ELP4: variants seen among roughly 807,000 people sequenced by gnomAD.
The protein encoded by ELP4 is elongator acetyltransferase complex subunit 4, also known as elongator complex protein 4.
ELP4 carries 51 observed loss-of-function variants against 48.9 expected under a neutral mutation model. The observed-to-expected ratio is 1.04, with a 90% confidence interval of 0.83 to 1.32. The LOEUF (loss-of-function observed/expected upper bound fraction) is 1.32. ELP4 is among the 40% of genes most tolerant of loss of function. The pLI, the probability that ELP4 is intolerant of heterozygous loss-of-function variation, is 0.00. For missense variants in ELP4, 519 were observed against 514.6 expected (o/e 1.01, Z -0.08); for synonymous variants, 210 against 189.2 (o/e 1.11, Z -0.90).
intron 9 of ELP4, among the ~76,000 whole-genome samples, chr11:31,659,161 T>C (rs1006731851): frequency 1.3e-5 from 2 of 152,128 alleles, no homozygotes; most frequent in Non-Finnish European, 2.9e-5. Flanking sequence ...TGGGAATGTC[T>C]TTAACCCAAA....
chr11:31,642,515 A>G (rs1190466128), intron 7 of ELP4, among the ~76,000 whole-genome samples: 2 of 151,810 alleles, frequency 1.3e-5, no homozygotes, highest in Non-Finnish European at 1.5e-5. Flanking sequence ...CCCTTTGTGG[A>G]TACGTTTTGA....
At chr11:31,570,956 C>T (rs1208311466) in intron 3 of ELP4, among the ~76,000 whole-genome samples, 3 of 151,210 alleles carry the variant, frequency 2.0e-5, no homozygotes, top group East Asian at 2.0e-4. Flanking sequence ...CACGCCAGCA[C>T]GCCCAGCCAA....
At chr11:31,723,820 C>G (rs1947019360) in intron 9 of ELP4, among the ~76,000 whole-genome samples, 1 of 152,128 alleles carries the variant, frequency 6.6e-6, no homozygotes, top group South Asian at 2.1e-4. Flanking sequence ...TATTTATAAA[C>G]ACTGTACAGT....
intron 9 of ELP4, among the ~76,000 whole-genome samples, chr11:31,721,110 G>A (rs1946950892): frequency 6.6e-6 from 1 of 152,218 alleles, no homozygotes; most frequent in African/African-American, 2.4e-5. Flanking sequence ...TCACTGCCAA[G>A]TACATATTCA....
At chr11:31,607,087 G>A (rs1418067490) in intron 5 of ELP4, among the ~76,000 whole-genome samples, 2 of 152,154 alleles carry the variant, frequency 1.3e-5, no homozygotes, top group Non-Finnish European at 2.9e-5. Context: ...AAGAATGAAA[G>A]GCCATGTGAG....
chr11:31,569,716 ACT>A lies in ELP4; in HGVS notation c.382-25051_382-25050del, dbSNP rs368921085. On this transcript the variant is annotated intron_variant, in intron 3 of 9. Transcript: ENST00000640961. Reference sequence around the variant, plus strand: ...ACTCCAGCCTGGGTGACAGAGTGAGACTCTGTCTCAAAAAAAGGAAGACATAC... The same window carrying A: ...ACTCCAGCCTGGGTGACAGAGTGAGACTGTCTCAAAAAAAGGAAGACATAC... Among the ~76,000 whole-genome samples, 29 of 152,232 alleles carry A rather than the reference ACT, an allele frequency of 1.9e-4. No individual in the cohort carries two copies. In the East Asian group the frequency reaches 4.6e-3, roughly 24 times the overall value.
intron 9 of ELP4, among the ~76,000 whole-genome samples, chr11:31,746,340 C>A (rs563494474): frequency 4.6e-5 from 7 of 152,202 alleles, no homozygotes; most frequent in South Asian, 2.1e-4. Context: ...TGATTCCTCA[C>A]GGATCTAGAA....
intron 5 of ELP4, among the ~76,000 whole-genome samples, chr11:31,608,024 G>A (rs1158102664): frequency 7.0e-6 from 1 of 141,914 alleles, no homozygotes; most frequent in Non-Finnish European, 1.6e-5. Context: ...TTGGAGGTGG[G>A]TAATAGAGTT....
rs552173428 is a variant in ELP4, at chr11:31,627,142, A to G, written c.686A>G (p.Gln229Arg). Residue 229 changes from glutamine to arginine, a missense_variant, in exon 6 of 10, where the codon CAG (glutamine) becomes CGG (arginine). Transcript: ENST00000640961. ...ACCCCTGGCTACACAAAGCTGCTTC[A>G]GTTTATCCAGAACATCATTTATGAG... is the stretch of plus-strand genomic sequence containing the variant. ...SLTPGYTKLL[Q>R]FIQNIIYEEG... 8 of 1,608,180 alleles carry G rather than the reference A, an allele frequency of 5.0e-6. No homozygotes were observed. Among genetic ancestry groups the G allele is most frequent in the South Asian group, 3.3e-5 (3 of 90,170 alleles).
At chr11:31,604,194 A>G (rs1310476961) in intron 5 of ELP4, among the ~76,000 whole-genome samples, 4 of 151,824 alleles carry the variant, frequency 2.6e-5, no homozygotes, top group African/African-American at 7.2e-5. Flanking sequence ...AAGAAAATGT[A>G]GAACAGTTCT....
intron 3 of ELP4, among the ~76,000 whole-genome samples, chr11:31,540,323 T>TA (rs1273618885): frequency 6.6e-6 from 1 of 152,224 alleles, no homozygotes. Context: ...GTATATGAGT[T>TA]ACAGCAAATA....
In ELP4 at chr11:31,616,978, A is replaced by G. The variant is rs181728561; in HGVS notation, c.654-10132A>G. Reference sequence around the variant, plus strand: ...GGAGAAATTGGAACCCTTGTGCACTATTTGGGTTGTAAAATGTGTAACTGC... The same window carrying G: ...GGAGAAATTGGAACCCTTGTGCACTGTTTGGGTTGTAAAATGTGTAACTGC... On this transcript the variant is annotated intron_variant, in intron 5 of 9. Transcript: ENST00000640961. 1.1e-3 allele frequency among the ~76,000 whole-genome samples: 168 copies of G among 152,144 alleles called. 1 individual carries two copies. Among genetic ancestry groups the G allele is most frequent in the African/African-American group, 3.5e-3 (145 of 41,564 alleles).
At chr11:31,756,057 A>G (rs955615731) in intron 9 of ELP4, among the ~76,000 whole-genome samples, 1 of 152,194 alleles carries the variant, frequency 6.6e-6, no homozygotes, top group Non-Finnish European at 1.5e-5. Flanking sequence ...AAATTTATTT[A>G]AAAGAATCAC....
At chr11:31,612,983 G>A (rs533758147) in intron 5 of ELP4, among the ~76,000 whole-genome samples, 75 of 152,290 alleles carry the variant, frequency 4.9e-4, no homozygotes, top group African/African-American at 1.8e-3. Context: ...CTAAGCTGCA[G>A]CTTTATTTGG....
At chr11:31,741,317 G>C (rs1302812840) in intron 9 of ELP4, among the ~76,000 whole-genome samples, 2 of 152,290 alleles carry the variant, frequency 1.3e-5, no homozygotes, top group East Asian at 3.9e-4. Flanking sequence ...CCACCTCTGG[G>C]GGCAGGGCAC....
intron 9 of ELP4, among the ~76,000 whole-genome samples, chr11:31,679,211 ACTATATTCATGTACCACATATACCATAAT>A (rs1489260975): frequency 2.0e-5 from 3 of 152,158 alleles, no homozygotes; most frequent in Admixed American, 6.6e-5. Context: ...AGTTCAGTTG[ACTATATTCATGTACCACATATACCATAAT>A]CTATATTCAT....
intron 3 of ELP4, among the ~76,000 whole-genome samples, chr11:31,560,714 T>TTTTATATATATATAAAACAACGTTGA (rs1957009405): frequency 1.3e-5 from 2 of 150,146 alleles, no homozygotes; most frequent in African/African-American, 2.4e-5. Context: ...AACAACGTTG[T>TTTTATATATATATAAAACAACGTTGA]TTTATATATA....
intron 9 of ELP4, among the ~76,000 whole-genome samples, chr11:31,746,659 G>T (rs1204389081): frequency 2.0e-5 from 3 of 152,000 alleles, no homozygotes; most frequent in Non-Finnish European, 4.4e-5. Context: ...AACACCACAT[G>T]TTCTCACTCA....
intron 5 of ELP4, among the ~76,000 whole-genome samples, chr11:31,614,902 A>T (rs1451132759): frequency 1.3e-5 from 2 of 152,166 alleles, no homozygotes; most frequent in East Asian, 3.8e-4. Context: ...ACAAATGACA[A>T]CTGAATACAA....
Sources: allele counts gnomAD v4.1 joint callset (sites outside exome capture counted in the v4.1 genomes callset), GRCh38; gene constraint gnomAD v4.1.1; transcripts MANE v1.5; gene names NCBI Gene and HGNC (gene_info 2026-07-23, HGNC 2026-07-21).